The following KLHL29 variants were observed in gnomAD, a reference collection of about 807,000 sequenced individuals.
KLHL29 encodes the protein kelch like family member 29.
In KLHL29, 21 loss-of-function variants were observed where a neutral mutation model predicts 80.4. That is an observed-to-expected ratio of 0.26 (90% CI 0.19 to 0.38). The LOEUF is 0.38. Among genes scored for constraint, KLHL29 ranks in the 10% least tolerant of loss-of-function variants. The pLI is 1.00. For synonymous variants in KLHL29, 511 were observed against 526.8 expected (o/e 0.97, Z 0.41); for missense variants, 867 against 1,223.9 (o/e 0.71, Z 4.35).
In KLHL29 at chr2:23,533,361, C is replaced by T. The variant is rs1362387327; in HGVS notation, c.-45-28791C>T. ...CCCACCCTCTGGGGCTGGCATTCTA[C>T]CCCCTTTGGAAAGAAAGCTGGGATG... On this transcript the variant is annotated intron_variant, in intron 2 of 13. Transcript: ENST00000486442. 2.6e-5 allele frequency among the ~76,000 whole-genome samples: 4 copies of T among 152,134 alleles called. No homozygotes were observed. The East Asian group carries it at 5.8e-4, about 22-fold the overall frequency.
At chr2:23,517,018 C>A (rs79104699) in intron 2 of KLHL29, among the ~76,000 whole-genome samples, 2,119 of 152,290 alleles carry the variant, frequency 0.014, 41 homozygotes, top group African/African-American at 0.048. Context: ...ACCTTCCTGT[C>A]ACAGGGAAAG....
Position 23,586,525 on chromosome 2 carries a change from A to G in KLHL29, c.285+24044A>G, listed in dbSNP as rs533462354. Among the ~76,000 whole-genome samples the G allele has an allele frequency of 1.5e-3, 229 of 151,908 alleles. 1 individual carries two copies. The highest frequency in any genetic ancestry group is 5.1e-3 in the African/African-American group (213 of 41,432). ...CAGGCACCTGCCACCATGCCCGGCT[A>G]ATTTTTGTATTTTTTAGTAGAGATG... On this transcript the variant is annotated intron_variant, in intron 3 of 13. Transcript: ENST00000486442.
chr2:23,524,811 C>T (rs1055432575), intron 2 of KLHL29, among the ~76,000 whole-genome samples: 1 of 152,192 alleles, frequency 6.6e-6, no homozygotes, highest in Non-Finnish European at 1.5e-5. Context: ...TACAGGAAAA[C>T]AAAAGCCTCC....
chr2:23,682,813 C>T lies in KLHL29; in HGVS notation c.941-1586C>T, dbSNP rs77243973. 2.6e-5 allele frequency among the ~76,000 whole-genome samples: 4 copies of T among 152,244 alleles called. No homozygotes were observed. The highest frequency in any genetic ancestry group is 3.9e-4 in the East Asian group (2 of 5,158). ...TCCTTCCTGAAGTCCCAGCCAGAGC[C>T]CCCTTCCGCACCCCTGGAGATGCTC... On this transcript the variant is annotated intron_variant, in intron 5 of 13. Coordinates refer to ENST00000486442, the MANE Select transcript of KLHL29 (RefSeq NM_052920.2). This position sits in a 1 kb window ranked among gnomAD's most constrained non-coding sequence, Gnocchi z 4.1.
intron 4 of KLHL29, among the ~76,000 whole-genome samples, chr2:23,640,446 C>A (rs554587977): frequency 6.6e-6 from 1 of 152,146 alleles, no homozygotes; most frequent in Non-Finnish European, 1.5e-5. Context: ...CCACCCATTA[C>A]GCTTTGAAGT....
chr2:23,642,801 G>T lies in KLHL29; in HGVS notation c.891G>T (p.Arg297=), dbSNP rs1453288276. 1 of 1,550,486 alleles carries T rather than the reference G, an allele frequency of 6.4e-7. No homozygotes were observed. Among genetic ancestry groups the T allele is most frequent in the South Asian group, 1.2e-5 (1 of 84,064 alleles). The part of the protein sequence containing the change: ...TDSAHGLQML[R]TIGVGKYEFT... ...CGGCCCACGGGCTGCAGATGCTGCG[G>T]ACCATTGGCGTGGGGAAGTATGAGT... is the stretch of plus-strand genomic sequence containing the variant. Residue 297 remains arginine, a synonymous_variant, in exon 5 of 14, where the codon CGG becomes CGT. Coordinates refer to ENST00000486442, the MANE Select transcript of KLHL29 (RefSeq NM_052920.2).
chr2:23,536,890 TCACA>T (rs111611960), intron 2 of KLHL29, among the ~76,000 whole-genome samples: 14,390 of 143,126 alleles, frequency 0.1, 748 homozygotes, highest in South Asian at 0.15. Context: ...AAGACAGATC[TCACA>T]CACACACACA....
At chr2:23,497,072 AAAC>A (rs1248534115) in intron 2 of KLHL29, among the ~76,000 whole-genome samples, 1 of 152,018 alleles carries the variant, frequency 6.6e-6, no homozygotes, top group African/African-American at 2.4e-5. Context: ...AAAAAAAAAA[AAAC>A]TATGAGCCCT....
At chr2:23,411,425 G>GTGTGGT (rs59717553) in intron 1 of KLHL29, among the ~76,000 whole-genome samples, 1 of 146,426 alleles carries the variant, frequency 6.8e-6, no homozygotes, top group African/African-American at 2.5e-5. Flanking sequence ...GTGTGTGTGT[G>GTGTGGT]GTCAAGGTAG....
chr2:23,545,517 G>C (rs1343957413), intron 2 of KLHL29, among the ~76,000 whole-genome samples: 1 of 152,230 alleles, frequency 6.6e-6, no homozygotes, highest in Non-Finnish European at 1.5e-5. Context: ...GGTGTCCCCA[G>C]GCCAGGAGGC....
At chr2:23,568,615 G>T (rs1409445610) in intron 3 of KLHL29, among the ~76,000 whole-genome samples, 1 of 152,188 alleles carries the variant, frequency 6.6e-6, no homozygotes, top group Non-Finnish European at 1.5e-5. Flanking sequence ...TCTTCCTGAG[G>T]CATGTTTGCT....
In KLHL29 at chr2:23,682,772, G is replaced by T. The variant is rs1308901984; in HGVS notation, c.941-1627G>T. On this transcript the variant is annotated intron_variant, in intron 5 of 13. Transcript: ENST00000486442. The surrounding 1 kb of genome is among the most constrained non-coding windows in gnomAD (Gnocchi z 4.1). ...CCCACCCCCCTTGCTCCGGGTCTGAGCTCACCCCACGTAGATCCTTCCTGA... is the reference window on the plus strand; with the variant it reads ...CCCACCCCCCTTGCTCCGGGTCTGATCTCACCCCACGTAGATCCTTCCTGA... Among the ~76,000 whole-genome samples the T allele has an allele frequency of 6.6e-6, 1 of 152,082 alleles. No homozygotes were observed. The highest frequency in any genetic ancestry group is 2.4e-5 in the African/African-American group (1 of 41,402).
At chr2:23,546,575 A>G (rs1666984486) in intron 2 of KLHL29, among the ~76,000 whole-genome samples, 1 of 152,134 alleles carries the variant, frequency 6.6e-6, no homozygotes. Flanking sequence ...CCCATGAGAA[A>G]AGCTTTGGGC....
At chr2:23,655,421 TC>T (rs1370581748) in intron 5 of KLHL29, among the ~76,000 whole-genome samples, 2 of 152,090 alleles carry the variant, frequency 1.3e-5, no homozygotes, top group East Asian at 3.8e-4. Flanking sequence ...CAGCAGTACA[TC>T]CATTTAGTGT....
chr2:23,426,824 G>C (rs1185561084), intron 1 of KLHL29, among the ~76,000 whole-genome samples: 1 of 152,216 alleles, frequency 6.6e-6, no homozygotes, highest in Non-Finnish European at 1.5e-5. Flanking sequence ...TCTTCTGGAA[G>C]CTTCTGTGTT....
chr2:23,532,922 G>A (rs541165897), intron 2 of KLHL29, among the ~76,000 whole-genome samples: 1 of 152,130 alleles, frequency 6.6e-6, no homozygotes, highest in Non-Finnish European at 1.5e-5. Context: ...CACGTGGGCC[G>A]AGAGGAGGAG....
intron 3 of KLHL29, among the ~76,000 whole-genome samples, chr2:23,589,442 C>T (rs1286895177): frequency 6.6e-6 from 1 of 152,234 alleles, no homozygotes; most frequent in Admixed American, 6.5e-5. Context: ...GAGCTGTGGC[C>T]TTGGGGACCA....
intron 2 of KLHL29, among the ~76,000 whole-genome samples, chr2:23,546,868 G>GT (rs914624167): frequency 6.6e-6 from 1 of 152,178 alleles, no homozygotes; most frequent in Admixed American, 6.5e-5. Flanking sequence ...GAGAGCGAGG[G>GT]TTGTGCTGGT....
intron 1 of KLHL29, among the ~76,000 whole-genome samples, chr2:23,389,562 G>C (rs1357498083): frequency 6.6e-6 from 1 of 152,140 alleles, no homozygotes; most frequent in Non-Finnish European, 1.5e-5. Context: ...GGCAGTTACT[G>C]TGTAAGAGGA....
Sources: gnomAD v4.1 joint callset for allele counts (sites outside exome capture counted in the v4.1 genomes callset) on GRCh38, gnomAD v4.1.1 for gene constraint, Gnocchi (gnomAD v3.1) non-coding constraint, MANE v1.5 for transcripts, NCBI Gene and HGNC (gene_info 2026-07-23, HGNC 2026-07-21) for gene names.